Variants in POU6F2 observed in about 807,000 individuals in gnomAD.
POU6F2 encodes the protein POU domain, class 6, transcription factor 2.
Under a neutral mutation model 71.3 loss-of-function variants are expected in POU6F2, and 31 were observed. The observed-to-expected ratio is 0.43, with a 90% CI of 0.33 to 0.59. The LOEUF is 0.59. Ranked by LOEUF, POU6F2 falls within the 20% of genes least tolerant of loss-of-function variation. The pLI is 0.04. For synonymous variants in POU6F2, 347 were observed against 355.7 expected (o/e 0.98, Z 0.27); for missense variants, 783 against 856.8 (o/e 0.91, Z 1.07).
At chr7:39,376,477 T>C (rs1012163708) in intron 5 of POU6F2, among the ~76,000 whole-genome samples, 4 of 152,216 alleles carry the variant, frequency 2.6e-5, no homozygotes, top group African/African-American at 7.2e-5. Context: ...GGAATCTTAG[T>C]GCTGGCTCCA....
At chr7:39,084,058 T>C (rs1791185089) in intron 1 of POU6F2, among the ~76,000 whole-genome samples, 1 of 152,182 alleles carries the variant, frequency 6.6e-6, no homozygotes, top group Non-Finnish European at 1.5e-5. Context: ...GCTCTTGATA[T>C]GATAAAACCC....
chr7:39,084,851 C>T (rs1791202192), intron 1 of POU6F2, among the ~76,000 whole-genome samples: 1 of 152,098 alleles, frequency 6.6e-6, no homozygotes, highest in South Asian at 2.1e-4. Context: ...ATAAATAGCT[C>T]CCAGATCTCG....
At chr7:39,419,178 T>C (rs1289156812) in intron 6 of POU6F2, among the ~76,000 whole-genome samples, 3 of 145,378 alleles carry the variant, frequency 2.1e-5, no homozygotes, top group Middle Eastern at 3.6e-3. Flanking sequence ...TATATATACG[T>C]ATATATGTAT....
Position 39,016,065 on chromosome 7 carries a change from A to ATATATATTATATATGATATATAT in POU6F2, c.105+38013_105+38014insTTATATATGATATATATTATATA, listed in dbSNP as rs1562671364. 1.5e-4 allele frequency among the ~76,000 whole-genome samples: 5 copies of ATATATATTATATATGATATATAT among 33,268 alleles called. 1 individual carries two copies. The highest frequency in any genetic ancestry group is 3.3e-4 in the Non-Finnish European group (5 of 15,070). 21.8% of individuals were successfully genotyped at this position (33,268 alleles called of 152,430 possible). A position where few individuals can be genotyped will look rare whatever the true frequency, so the allele number is the denominator to read the frequency against. ...TTATATATTATATATATTATATATA[A>ATATATATTATATATGATATATAT]TATATAGATATATATTATATCTATA... On this transcript the variant is annotated intron_variant, in intron 1 of 9. Coordinates refer to ENST00000518318, the MANE Select transcript of POU6F2 (RefSeq NM_001370959.1).
chr7:39,286,130 CTGGGAAG>C (rs571227410), intron 4 of POU6F2, among the ~76,000 whole-genome samples: 24 of 152,238 alleles, frequency 1.6e-4, no homozygotes, highest in Middle Eastern at 3.4e-3. Context: ...GAGAGTTAAC[CTGGGAAG>C]TGGGAAGTGG....
intron 1 of POU6F2, among the ~76,000 whole-genome samples, chr7:39,065,384 C>T (rs1790735319): frequency 6.6e-6 from 1 of 151,626 alleles, no homozygotes. Context: ...AGAACAAACT[C>T]ATAACCTTAC....
chr7:39,250,741 A>C (rs1783900130), intron 4 of POU6F2, among the ~76,000 whole-genome samples: 2 of 152,188 alleles, frequency 1.3e-5, no homozygotes, highest in African/African-American at 4.8e-5. Context: ...CATTTCATGT[A>C]ATTAATTCAT....
Position 39,334,925 on chromosome 7 carries a change from A to C in POU6F2, c.599-4717A>C, listed in dbSNP as rs568130802. Reference sequence around the variant, plus strand: ...TCTTTACAACTGGGGCTGATCTGGGAGTTGCTTCCCCCAGTTAGGGACAAA... The same window carrying C: ...TCTTTACAACTGGGGCTGATCTGGGCGTTGCTTCCCCCAGTTAGGGACAAA... On this transcript the variant is annotated intron_variant, in intron 4 of 9. Coordinates refer to ENST00000518318, the MANE Select transcript of POU6F2 (RefSeq NM_001370959.1). 7.2e-5 allele frequency among the ~76,000 whole-genome samples: 11 copies of C among 152,260 alleles called. No homozygotes were observed. The South Asian group carries it at 2.3e-3, about 32-fold the overall frequency.
At chr7:39,088,532 A>C (rs911176990) in intron 2 of POU6F2, among the ~76,000 whole-genome samples, 3 of 152,176 alleles carry the variant, frequency 2.0e-5, no homozygotes, top group Non-Finnish European at 4.4e-5. Context: ...GAAGAATTGC[A>C]TTCTTCCTGA....
At position 39,136,203 on chromosome 7, in the gene POU6F2, A is replaced by G. The variant is rs934872735; in HGVS notation, c.277+50172A>G. 3.3e-5 allele frequency among the ~76,000 whole-genome samples: 5 copies of G among 152,246 alleles called. No homozygotes were observed. In the East Asian group the frequency reaches 9.6e-4, roughly 29 times the overall value. ...TTTCACATAATTCCAAGCAAAATAT[A>G]TAGGGGACTATCTGGTTGGCTTGAC... is the stretch of plus-strand genomic sequence containing the variant. On this transcript the variant is annotated intron_variant, in intron 2 of 9. Transcript: ENST00000518318.
intron 6 of POU6F2, among the ~76,000 whole-genome samples, chr7:39,421,363 A>G (rs952277103): frequency 2.6e-5 from 4 of 152,210 alleles, no homozygotes; most frequent in Non-Finnish European, 1.5e-5. Flanking sequence ...TTTTGCCACA[A>G]CAATGGATAT....
chr7:39,028,774 A>C (rs893446275), intron 1 of POU6F2, among the ~76,000 whole-genome samples: 3 of 152,064 alleles, frequency 2.0e-5, no homozygotes, highest in African/African-American at 4.8e-5. Context: ...GATATTTTTC[A>C]GGCTTATTCC....
intron 4 of POU6F2, among the ~76,000 whole-genome samples, chr7:39,336,304 C>T (rs1275522897): frequency 6.6e-6 from 1 of 152,188 alleles, no homozygotes; most frequent in Non-Finnish European, 1.5e-5. Context: ...GGCATCTCCT[C>T]CCCATCCCTT....
chr7:39,299,596 T>A (rs186163637), intron 4 of POU6F2, among the ~76,000 whole-genome samples: 1 of 152,332 alleles, frequency 6.6e-6, no homozygotes, highest in African/African-American at 2.4e-5. Context: ...TTGTTTCAAG[T>A]TTGATATGGG....
chr7:39,234,382 G>T (rs1443869853), intron 4 of POU6F2, among the ~76,000 whole-genome samples: 6 of 152,094 alleles, frequency 3.9e-5, no homozygotes, highest in African/African-American at 1.4e-4. Flanking sequence ...GGTAGACATG[G>T]TGCCTCCTGG....
intron 4 of POU6F2, among the ~76,000 whole-genome samples, chr7:39,285,947 C>T (rs1471415619): frequency 6.6e-6 from 1 of 152,222 alleles, no homozygotes; most frequent in African/African-American, 2.4e-5. Context: ...ATTTCCAGCA[C>T]AGGACACACG....
chr7:39,076,869 T>TACAC (rs67222549), intron 1 of POU6F2, among the ~76,000 whole-genome samples: 328 of 150,362 alleles, frequency 2.2e-3, no homozygotes, highest in African/African-American at 4.5e-3. Context: ...AATGTTGAGA[T>TACAC]ACACACACAC....
At chr7:39,028,871 T>G (rs1433243207) in intron 1 of POU6F2, among the ~76,000 whole-genome samples, 1 of 152,114 alleles carries the variant, frequency 6.6e-6, no homozygotes, top group Non-Finnish European at 1.5e-5. Context: ...ACTGGCACAA[T>G]CACAATTCAT....
intron 4 of POU6F2, among the ~76,000 whole-genome samples, chr7:39,320,563 C>G (rs1189334615): frequency 6.6e-6 from 1 of 152,110 alleles, no homozygotes; most frequent in African/African-American, 2.4e-5. Flanking sequence ...CAATAGTGTT[C>G]TAATGTTGGC....
Sources: allele counts gnomAD v4.1 joint callset (sites outside exome capture counted in the v4.1 genomes callset), GRCh38; gene constraint gnomAD v4.1.1; transcripts MANE v1.5; gene names NCBI Gene and HGNC (gene_info 2026-07-23, HGNC 2026-07-21).